The following TENM2 variants were observed in gnomAD, a reference collection of about 807,000 sequenced individuals.
The protein encoded by TENM2 is teneurin-2.
Under a neutral mutation model 245.2 loss-of-function variants are expected in TENM2, and 52 were observed. The ratio of observed to expected loss-of-function variants is 0.21; its 90% CI spans 0.17 to 0.27. TENM2 has a LOEUF of 0.27. TENM2 is among the 10% of genes least tolerant of loss of function. The pLI is 1.00. For missense variants in TENM2, 3,046 were observed against 3,666.8 expected, an observed-to-expected ratio of 0.83 and a Z score of 4.37; for synonymous variants, 1,363 against 1,438.9, an observed-to-expected ratio of 0.95 and a Z score of 1.19.
intron 26 of TENM2, among the ~76,000 whole-genome samples, chr5:168,246,220 A>T (rs1766553452): frequency 6.9e-6 from 1 of 144,662 alleles, no homozygotes; most frequent in South Asian, 2.3e-4. Context: ...TGGGTGATGG[A>T]GTGAGACTCT....
At chr5:167,017,141 A>T in the TENM2 span, among the ~76,000 whole-genome samples, 1 of 152,194 alleles carries the variant, frequency 6.6e-6, no homozygotes, top group African/African-American at 2.4e-5. Context: ...AATAAGATGA[A>T]TGGACTCTGG....
intron 3 of TENM2, among the ~76,000 whole-genome samples, chr5:167,921,097 A>G (rs1777334463): frequency 6.6e-6 from 1 of 152,244 alleles, no homozygotes; most frequent in African/African-American, 2.4e-5. Flanking sequence ...CAAATCAACC[A>G]TCTAAGAAAA....
the TENM2 span, among the ~76,000 whole-genome samples, chr5:167,153,958 A>G: frequency 1.3e-5 from 2 of 152,208 alleles, no homozygotes; most frequent in Admixed American, 6.5e-5. Context: ...CTACTGCTGT[A>G]GAAGCTGTAA....
chr5:167,086,758 G>A, the TENM2 span, among the ~76,000 whole-genome samples: 18 of 152,020 alleles, frequency 1.2e-4, no homozygotes, highest in South Asian at 2.9e-3. Flanking sequence ...GAAAGTGCCC[G>A]GAATGCAAAT....
the TENM2 span, among the ~76,000 whole-genome samples, chr5:167,216,177 G>A: frequency 6.6e-6 from 1 of 152,202 alleles, no homozygotes; most frequent in African/African-American, 2.4e-5. Flanking sequence ...GGAAAGCGAA[G>A]GCAGTCACAT....
the TENM2 span, among the ~76,000 whole-genome samples, chr5:167,190,217 C>T: frequency 6.6e-6 from 1 of 151,892 alleles, no homozygotes. Flanking sequence ...AATGGTTTCC[C>T]CAGTCTAATG....
intron 2 of TENM2, among the ~76,000 whole-genome samples, chr5:167,838,433 T>C (rs1217772581): frequency 6.6e-6 from 1 of 152,216 alleles, no homozygotes; most frequent in Admixed American, 6.5e-5. Context: ...CTTTTTGGAC[T>C]AGTTCAACAG....
chr5:167,434,226 C>T (rs1050746312), intron 2 of TENM2, among the ~76,000 whole-genome samples: 2 of 151,662 alleles, frequency 1.3e-5, no homozygotes, highest in African/African-American at 4.8e-5. Flanking sequence ...TCGAGACCAG[C>T]CTGGCCAACA....
the TENM2 span, among the ~76,000 whole-genome samples, chr5:167,096,455 T>C: frequency 6.6e-6 from 1 of 152,196 alleles, no homozygotes; most frequent in African/African-American, 2.4e-5. Flanking sequence ...GATGAGTCCC[T>C]TACCACATAC....
the TENM2 span, among the ~76,000 whole-genome samples, chr5:167,195,139 G>GTC: frequency 6.6e-6 from 1 of 152,130 alleles, no homozygotes; most frequent in East Asian, 1.9e-4. Context: ...GTGGGAAAAA[G>GTC]TGCCCCCACC....
the TENM2 span, among the ~76,000 whole-genome samples, chr5:167,114,078 A>G: frequency 1.2e-3 from 188 of 152,220 alleles, 1 homozygote; most frequent in East Asian, 8.7e-3. Context: ...TTTCAATGTT[A>G]TGACTGCTCC....
chr5:167,148,590 C>T, the TENM2 span, among the ~76,000 whole-genome samples: 1 of 152,100 alleles, frequency 6.6e-6, no homozygotes, highest in East Asian at 1.9e-4. Context: ...AGAGAAAGAA[C>T]CACGCATAGG....
chr5:167,152,214 A>C, the TENM2 span, among the ~76,000 whole-genome samples: 1 of 152,226 alleles, frequency 6.6e-6, no homozygotes, highest in Non-Finnish European at 1.5e-5. Context: ...ACATGGTATG[A>C]AGCAGAAATT....
chr5:168,110,944 C>T (rs1331475157), intron 9 of TENM2, among the ~76,000 whole-genome samples: 4 of 152,282 alleles, frequency 2.6e-5, no homozygotes, highest in Middle Eastern at 3.4e-3. Flanking sequence ...AAGTCTCTTG[C>T]GATCTTCGTT....
At chr5:167,286,095 C>T (rs935055951) in intron 1 of TENM2, among the ~76,000 whole-genome samples, 1 of 152,130 alleles carries the variant, frequency 6.6e-6, no homozygotes, top group East Asian at 1.9e-4. Flanking sequence ...ACTATGCCCA[C>T]GGTTTATAAA....
intron 5 of TENM2, among the ~76,000 whole-genome samples, chr5:167,998,709 T>C (rs763724584): frequency 5.3e-5 from 8 of 152,184 alleles, no homozygotes; most frequent in Non-Finnish European, 1.0e-4. Context: ...AAAGTCACCT[T>C]GTCTTTTTTC....
At chr5:167,441,118 T>C (rs2127459636) in intron 2 of TENM2, among the ~76,000 whole-genome samples, 1 of 152,280 alleles carries the variant, frequency 6.6e-6, no homozygotes, top group South Asian at 2.1e-4. Flanking sequence ...ATGCATAGAA[T>C]CTTTCTAGGA....
intron 7 of TENM2, among the ~76,000 whole-genome samples, chr5:168,075,775 T>C (rs1458325482): frequency 1.3e-5 from 2 of 152,204 alleles, no homozygotes; most frequent in East Asian, 3.9e-4. Context: ...AATGGACTCA[T>C]AGTTCCACAT....
At chr5:168,117,095 A>G (rs1169761722) in intron 9 of TENM2, among the ~76,000 whole-genome samples, 1 of 152,190 alleles carries the variant, frequency 6.6e-6, no homozygotes, top group African/African-American at 2.4e-5. Flanking sequence ...CCCATTCTTG[A>G]TGAACTCTGA....
Sources: gnomAD v4.1 joint callset for allele counts (sites outside exome capture counted in the v4.1 genomes callset) on GRCh38, gnomAD v4.1.1 for gene constraint, MANE v1.5 for transcripts, NCBI Gene and HGNC (gene_info 2026-07-23, HGNC 2026-07-21) for gene names.